The following NOM1 variants were observed in gnomAD, a reference collection of about 807,000 sequenced individuals.
NOM1 encodes the protein nucleolar MIF4G domain-containing protein 1.
A neutral mutation model predicts 73.3 loss-of-function variants in NOM1; 58 were observed. That is an observed-to-expected ratio of 0.79 (90% CI 0.64 to 0.99). The LOEUF is 0.99. Among genes scored for constraint, NOM1 ranks in the 50% least tolerant of loss-of-function variants. The pLI is 0.00. For missense variants in NOM1, 1,226 were observed against 1,131.9 expected (o/e 1.08, Z -1.19); for synonymous variants, 487 against 446.8 (o/e 1.09, Z -1.14).
In NOM1 at chr7:156,962,596, G is replaced by T. The variant is rs181700161; in HGVS notation, c.1743+335G>T. Among the ~76,000 whole-genome samples, 15 of 152,332 alleles carry T rather than the reference G, an allele frequency of 9.8e-5. No individual in the cohort carries two copies. In the East Asian group the frequency reaches 2.9e-3, roughly 29 times the overall value. ...TCCGGACCAAGGAAATTGGGATGACGTAGGTCCTTTGACTCTCTCTGACAT... is the reference window on the plus strand; with the variant it reads ...TCCGGACCAAGGAAATTGGGATGACTTAGGTCCTTTGACTCTCTCTGACAT... On this transcript the variant is annotated intron_variant, in intron 5 of 10. Transcript: ENST00000275820.
At chr7:156,962,484 C>T (rs954342733) in intron 5 of NOM1, among the ~76,000 whole-genome samples, 4 of 152,158 alleles carry the variant, frequency 2.6e-5, no homozygotes, top group African/African-American at 7.2e-5. Context: ...CCATGTTGGG[C>T]GAGCGTCCTC....
At chr7:156,968,350 C>A (rs573447948) in intron 9 of NOM1, among the ~76,000 whole-genome samples, 1 of 152,294 alleles carries the variant, frequency 6.6e-6, no homozygotes, top group Non-Finnish European at 1.5e-5. Context: ...CTCCGGGCTG[C>A]TCTCATTCCG....
Position 156,949,931 on chromosome 7 carries a change from G to T in NOM1, c.194G>T (p.Cys65Phe). 6.5e-7 allele frequency: 1 copy of T among 1,542,238 alleles called. No individual in the cohort carries two copies. The highest frequency in any genetic ancestry group is 8.7e-7 in the Non-Finnish European group (1 of 1,145,900). The change falls in exon 1 of 11, where the codon TGC becomes TTC. Residue 65 changes from cysteine to phenylalanine, a missense_variant. Coordinates refer to ENST00000275820, the MANE Select transcript of NOM1 (RefSeq NM_138400.2). ...TCGGAAGGCGAGGCTCCCGGGGGTT[G>T]CGAGGGGCGCGGCGCCCCGGTGAGC... ...ATSEGEAPGGCEGRGAPVSFR... is the reference protein window; with the variant it reads ...ATSEGEAPGGFEGRGAPVSFR...
chr7:156,957,796 A>AGC (rs1563681014), intron 3 of NOM1, among the ~76,000 whole-genome samples: 1 of 151,382 alleles, frequency 6.6e-6, no homozygotes, highest in Non-Finnish European at 1.5e-5. Flanking sequence ...AAAAAAAAAA[A>AGC]AAAAGAAAAA....
intron 6 of NOM1, 53 bp downstream of exon 6, chr7:156,963,228 G>A (rs1416816200): frequency 6.3e-7 from 1 of 1,597,922 alleles, no homozygotes; most frequent in Non-Finnish European, 8.6e-7. Context: ...CCTGTGTGGT[G>A]TGTGGTCCTG....
chr7:156,963,059 A>G lies in NOM1; in HGVS notation c.1795A>G (p.Ser599Gly), dbSNP rs773014326. ...SETQLRVSWD[S>G]VLSAEQTGRW... ...GACGCAGCTTCGCGTCTCCTGGGAC[A>G]GTGTCTTGAGTGCGGAGCAGACGGG... Residue 599 changes from serine (S) to glycine (G), a missense_variant, in exon 6 of 11, where the codon AGT becomes GGT. Coordinates refer to ENST00000275820, the MANE Select transcript of NOM1 (RefSeq NM_138400.2). The G allele has an allele frequency of 8.7e-6, 14 of 1,614,220 alleles. No individual in the cohort carries two copies. The Admixed American group carries it at 2.2e-4, about 25-fold the overall frequency.
Position 156,969,179 on chromosome 7 carries a change from C to T in NOM1, c.2391C>T (p.Leu797=). The change falls in exon 10 of 11, where the codon CTC becomes CTT. Residue 797 remains leucine (L), a synonymous_variant. Coordinates refer to ENST00000275820, the MANE Select transcript of NOM1 (RefSeq NM_138400.2). ...TAATGGAAACAGAAGTTGAAGACCT[C>T]AGTTTAATTTTCACAAGGTATGTGC... The part of the protein sequence containing the change: ...ILLMETEVED[L]SLIFTRVSDN... 5 of 1,558,640 alleles carry T rather than the reference C, an allele frequency of 3.2e-6. No homozygotes were observed. The highest frequency in any genetic ancestry group is 4.4e-6 in the Non-Finnish European group (5 of 1,129,186).
rs766462065 is a variant in NOM1, at chr7:156,950,192, A to G, written c.455A>G (p.Lys152Arg). 2.5e-6 allele frequency: 4 copies of G among 1,608,428 alleles called. No individual in the cohort carries two copies. The highest frequency in any genetic ancestry group is 2.7e-5 in the African/African-American group (2 of 74,896). ...RKPRPSRVKAKATAATAKTRP... is the reference protein window; with the variant it reads ...RKPRPSRVKARATAATAKTRP... ...CCGCGGCCGTCCCGGGTCAAGGCCA[A>G]GGCCACGGCCGCCACCGCAAAGACC... Residue 152 changes from lysine to arginine, a missense_variant, in exon 1 of 11, where the codon AAG becomes AGG. Transcript: ENST00000275820.
Position 156,963,934 on chromosome 7 carries a change from G to C in NOM1, c.1941G>C (p.Arg647=). The part of the protein sequence containing the change: ...TVSSKILELA[R]KQRMNTDIRR... ...GTTCAAAGATCCTAGAACTCGCCCG[G>C]AAGCAGAGGATGAACACAGACATCC... The change falls in exon 7 of 11, where the codon CGG becomes CGC. Residue 647 remains arginine, a synonymous_variant. Transcript: ENST00000275820. 1 of 1,614,146 alleles carries C rather than the reference G, an allele frequency of 6.2e-7. No homozygotes were observed. Among genetic ancestry groups the C allele is most frequent in the Non-Finnish European group, 8.5e-7 (1 of 1,179,984 alleles).
rs1390499458 is a variant in NOM1 at position 156,972,682 on chromosome 7, T to C, written c.*2979T>C. 1 of 152,184 alleles carries C rather than the reference T, an allele frequency of 6.6e-6. No homozygotes were observed. Among genetic ancestry groups the C allele is most frequent in the African/African-American group, 2.4e-5 (1 of 41,424 alleles). 9.4% of individuals were successfully genotyped at this position (152,184 alleles called of 1,614,324 possible). On this transcript the variant is annotated 3_prime_UTR_variant, in exon 11 of 11. Coordinates refer to ENST00000275820, the MANE Select transcript of NOM1 (RefSeq NM_138400.2). ...CCGTCTCTATGAAAAATATAAAAAT[T>C]AGCTGGGCATGGTGGCAGGCACCTG... is the stretch of plus-strand genomic sequence containing the variant.
rs1277406312 is a variant in NOM1 at position 156,972,089 on chromosome 7, C to A, written c.*2386C>A. On this transcript the variant is annotated 3_prime_UTR_variant, in exon 11 of 11. Coordinates refer to ENST00000275820, the MANE Select transcript of NOM1 (RefSeq NM_138400.2). ...TAAGGTATAAATCAACACACTGCTTCCTTCCTCCAGAAGGTCTTACTGTGA... is the reference window on the plus strand; with the variant it reads ...TAAGGTATAAATCAACACACTGCTTACTTCCTCCAGAAGGTCTTACTGTGA... 1.3e-5 allele frequency: 2 copies of A among 152,254 alleles called. No individual in the cohort carries two copies. The highest frequency in any genetic ancestry group is 2.9e-5 in the Non-Finnish European group (2 of 68,052). The allele number at this position is 152,254 out of a possible 1,614,324, so 9.4% of individuals were successfully genotyped here.
At chr7:156,953,279 G>A (rs1051181501) in intron 2 of NOM1, among the ~76,000 whole-genome samples, 4 of 152,084 alleles carry the variant, frequency 2.6e-5, no homozygotes, top group East Asian at 1.9e-4. Flanking sequence ...ACAGGCATGC[G>A]CCACCACGCC....
At chr7:156,956,953 A>C (rs1254860192) in intron 3 of NOM1, among the ~76,000 whole-genome samples, 1 of 152,200 alleles carries the variant, frequency 6.6e-6, no homozygotes, top group African/African-American at 2.4e-5. Context: ...GAATGATCTT[A>C]GTATAGGCAG....
In NOM1 at chr7:156,954,847, T is replaced by TTTC. The variant is rs1433408326; in HGVS notation, c.1308+554_1308+556dup. Reference sequence around the variant, plus strand: ...TAGCATGTCTTTTATGTTAGTTAATTTTCTTCTCGACTGACATCTCAGACG... The same window carrying TTTC: ...TAGCATGTCTTTTATGTTAGTTAATTTTCTTCTTCTCGACTGACATCTCAGACG... On this transcript the variant is annotated intron_variant, in intron 3 of 10. Coordinates refer to ENST00000275820, the MANE Select transcript of NOM1 (RefSeq NM_138400.2). 9.2e-5 allele frequency among the ~76,000 whole-genome samples: 14 copies of TTTC among 152,214 alleles called. No homozygotes were observed. The East Asian group carries it at 2.7e-3, about 29-fold the overall frequency.
intron 3 of NOM1, among the ~76,000 whole-genome samples, chr7:156,958,205 C>G (rs138500735): frequency 6.6e-6 from 1 of 152,210 alleles, no homozygotes; most frequent in African/African-American, 2.4e-5. Context: ...TCCATCCAGT[C>G]CTGTCTGGAT....
chr7:156,950,597 C>T lies in NOM1; in HGVS notation c.860C>T (p.Thr287Ile), dbSNP rs1488366213. The T allele has an allele frequency of 3.8e-6, 6 of 1,582,996 alleles. No homozygotes were observed. The highest frequency in any genetic ancestry group is 5.2e-6 in the Non-Finnish European group (6 of 1,164,172). The change falls in exon 1 of 11, where the codon ACA becomes ATA. Residue 287 changes from threonine to isoleucine, a missense_variant. Thr to Ile is a moderately conservative substitution (Grantham distance 89). Transcript: ENST00000275820. ...EAQSEDDDED[T>I]EEEQGEEKEK... ...CAGAGCGAGGACGACGACGAGGATACAGAAGAGGAACAGGGGGAAGAAAAG... is the reference window on the plus strand; with the variant it reads ...CAGAGCGAGGACGACGACGAGGATATAGAAGAGGAACAGGGGGAAGAAAAG...
Position 156,950,722 on chromosome 7 carries a change from A to C in NOM1, c.985A>C (p.Lys329Gln). 1 of 1,551,016 alleles carries C rather than the reference A, an allele frequency of 6.4e-7. No individual in the cohort carries two copies. Among genetic ancestry groups the C allele is most frequent in the South Asian group, 1.2e-5 (1 of 84,014 alleles). Residue 329 changes from lysine (K) to glutamine (Q), a missense_variant and splice_region_variant, in exon 1 of 11, where the codon AAG (lysine) becomes CAG (glutamine). Transcript: ENST00000275820. ...CTCGGAGGACGGTGACATAACGGAT[A>C]AGGTATCGTGTGAACACTCTCTAGG... ...NSSEDGDITDKSLCGSGEKYI... is the reference protein window; with the variant it reads ...NSSEDGDITDQSLCGSGEKYI...
chr7:156,950,855 A>ATTC, intron 1 of NOM1, 131 bp downstream of exon 1: 1 of 760,808 alleles, frequency 1.3e-6, no homozygotes, highest in South Asian at 1.9e-5. Flanking sequence ...GAGTAAATCG[A>ATTC]GTACGTTACT....
chr7:156,958,006 T>C (rs998790289), intron 3 of NOM1, among the ~76,000 whole-genome samples: 8 of 152,210 alleles, frequency 5.3e-5, no homozygotes, highest in Non-Finnish European at 1.0e-4. Flanking sequence ...CTGAAGTGTA[T>C]ATCCAGTCCA....
Sources: gnomAD v4.1 joint callset for allele counts (sites outside exome capture counted in the v4.1 genomes callset) on GRCh38, gnomAD v4.1.1 for gene constraint, MANE v1.5 for transcripts, NCBI Gene and HGNC (gene_info 2026-07-23, HGNC 2026-07-21) for gene names.